The following F2 variants were observed in gnomAD, a reference collection of about 807,000 sequenced individuals.
F2 encodes prothrombin.
A neutral mutation model predicts 81.9 loss-of-function variants in F2; 34 were observed. The ratio of observed to expected loss-of-function variants is 0.42; its 90% CI spans 0.32 to 0.55. The LOEUF is 0.55. Ranked by LOEUF, F2 falls within the 20% of genes least tolerant of loss-of-function variation. The pLI, the probability that F2 is intolerant of heterozygous loss-of-function variation, is 0.18. For missense variants in F2, 630 were observed against 833.4 expected, an observed-to-expected ratio of 0.76 and a Z score of 3.00; for synonymous variants, 296 against 326.4, an observed-to-expected ratio of 0.91 and a Z score of 1.01.
intron 12 of F2, among the ~76,000 whole-genome samples, chr11:46,734,597 G>A (rs569779097): frequency 6.6e-6 from 1 of 152,152 alleles, no homozygotes; most frequent in African/African-American, 2.4e-5. Flanking sequence ...GATCACCTGA[G>A]GTCAGAAGTT....
At position 46,719,688 on chromosome 11, in the gene F2, C is replaced by T. The variant is rs376845267; in HGVS notation, c.80-14C>T. The T allele has an allele frequency of 6.3e-6, 10 of 1,581,154 alleles. No homozygotes were observed. The highest frequency in any genetic ancestry group is 8.6e-6 in the Non-Finnish European group (10 of 1,164,628). On this transcript the variant is annotated splice_polypyrimidine_tract_variant and intron_variant, in intron 1 of 13. Transcript: ENST00000311907. This position sits in a 1 kb window ranked among gnomAD's most constrained non-coding sequence, Gnocchi z 4.7. ...CTGAGGCCGCTGTCCCATGACCCCC[C>T]CACCGCCTTACAGTGTTCCTGGCTC...
Position 46,729,472 on chromosome 11 carries a change from T to C in F2, c.1565T>C (p.Val522Ala), listed in dbSNP as rs2064897041. 4 of 1,614,010 alleles carry C rather than the reference T, an allele frequency of 2.5e-6. 1 individual carries two copies. The South Asian group carries it at 4.4e-5, about 18-fold the overall frequency. ...TANVGKGQPS[V>A]LQVVNLPIVE... is the part of the protein sequence containing the mutation. ...AACGTTGGTAAGGGGCAGCCCAGTG[T>C]CCTGCAGGTGGTGAACCTGCCCATT... Residue 522 changes from valine to alanine, a missense_variant, in exon 12 of 14, where the codon GTC becomes GCC. Coordinates refer to ENST00000311907, the MANE Select transcript of F2 (RefSeq NM_000506.5).
intron 12 of F2, among the ~76,000 whole-genome samples, chr11:46,731,822 T>C (rs947411964): frequency 6.6e-6 from 1 of 152,110 alleles, no homozygotes; most frequent in African/African-American, 2.4e-5. Flanking sequence ...CTCTGACCTC[T>C]TGAGGAAGGC....
At chr11:46,736,616 T>C (rs3136497) in intron 12 of F2, among the ~76,000 whole-genome samples, 3,394 of 152,254 alleles carry the variant, frequency 0.022, 122 homozygotes, top group African/African-American at 0.077. Flanking sequence ...TAGATTTCTA[T>C]GGATAGAGTA....
At chr11:46,738,288 A>C (rs923820795) in intron 12 of F2, among the ~76,000 whole-genome samples, 55 of 152,114 alleles carry the variant, frequency 3.6e-4, no homozygotes, top group Admixed American at 3.0e-3. Context: ...TGTGAGCCAC[A>C]GCACCTAGTG....
intron 12 of F2, among the ~76,000 whole-genome samples, chr11:46,735,236 T>TA (rs2064936840): frequency 6.6e-6 from 1 of 151,588 alleles, no homozygotes. Flanking sequence ...GGTCAGGAGA[T>TA]AGAGACCATC....
chr11:46,719,964 C>T lies in F2; in HGVS notation c.240+102C>T. The stretch of plus-strand genomic sequence containing the variant: ...GAGGAACGCCACAGCCCCTTCGCTG[C>T]TCACAGCCTCATTTCAACTCTGAGC... On this transcript the variant is annotated intron_variant, in intron 2 of 13. Transcript: ENST00000311907. This position sits in a 1 kb window ranked among gnomAD's most constrained non-coding sequence, Gnocchi z 4.7. 1 of 1,440,194 alleles carries T rather than the reference C, an allele frequency of 6.9e-7. No individual in the cohort carries two copies. The highest frequency in any genetic ancestry group is 9.4e-7 in the Non-Finnish European group (1 of 1,062,132). The allele number at this position is 1,440,194 out of a possible 1,614,324, so 89.2% of individuals were successfully genotyped here. A position where few individuals can be genotyped will look rare whatever the true frequency, so the allele number is the denominator to read the frequency against.
rs1340422286 is a variant in F2, at chr11:46,723,566, C to T, written c.559+48C>T. On this transcript the variant is annotated intron_variant, in intron 6 of 13. Transcript: ENST00000311907. This position sits in a 1 kb window ranked among gnomAD's most constrained non-coding sequence, Gnocchi z 5.6. Reference sequence around the variant, plus strand: ...GCCCATGGCCAAGGCCCGGGGGCTTCATGGGGCCTGGCAGCCTGGGATGGG... The same window carrying T: ...GCCCATGGCCAAGGCCCGGGGGCTTTATGGGGCCTGGCAGCCTGGGATGGG... The T allele has an allele frequency of 7.0e-6, 11 of 1,571,430 alleles. No individual in the cohort carries two copies. The East Asian group carries it at 2.6e-4, about 37-fold the overall frequency.
chr11:46,726,601 G>C lies in F2; in HGVS notation c.978G>C (p.Pro326=), dbSNP rs142949009. The change falls in exon 8 of 14, where the codon CCG becomes CCC. Residue 326 remains proline, a synonymous_variant. Transcript: ENST00000311907. This position sits in a 1 kb window ranked among gnomAD's most constrained non-coding sequence, Gnocchi z 5.9. ...ATSEYQTFFN[P]RTFGSGEADC... is the part of the protein sequence containing the mutation. The stretch of plus-strand genomic sequence containing the variant: ...GTGAGTACCAGACTTTCTTCAATCC[G>C]AGGACCTTTGGCTCGGGAGAGGCAG... The C allele has an allele frequency of 6.2e-7, 1 of 1,614,164 alleles. No homozygotes were observed.
Position 46,719,351 on chromosome 11 carries a change from A to C in F2, c.79+37A>C. On this transcript the variant is annotated intron_variant, in intron 1 of 13. Coordinates refer to ENST00000311907, the MANE Select transcript of F2 (RefSeq NM_000506.5). The surrounding 1 kb of genome is among the most constrained non-coding windows in gnomAD (Gnocchi z 4.7). The stretch of plus-strand genomic sequence containing the variant: ...CTTGCAGGCTGGAACAGGCTGGAGG[A>C]CTGGGGTGTGGGCCCATGGGCTGGG... 1 of 1,597,456 alleles carries C rather than the reference A, an allele frequency of 6.3e-7. No homozygotes were observed. The highest frequency in any genetic ancestry group is 8.5e-7 in the Non-Finnish European group (1 of 1,171,970).
In F2 at chr11:46,728,089, C is replaced by T. The variant is rs868618740; in HGVS notation, c.1224C>T (p.Leu408=). Residue 408 remains leucine, a synonymous_variant, in exon 10 of 14, where the codon CTC becomes CTT. Coordinates refer to ENST00000311907, the MANE Select transcript of F2 (RefSeq NM_000506.5). The surrounding 1 kb of genome is among the most constrained non-coding windows in gnomAD (Gnocchi z 5.1). Reference sequence around the variant, plus strand: ...GGGTCCTCACCGCCGCCCACTGCCTCCTGTACCCGCCCTGGGACAAGAACT... The same window carrying T: ...GGGTCCTCACCGCCGCCCACTGCCTTCTGTACCCGCCCTGGGACAAGAACT... ...DRWVLTAAHC[L]LYPPWDKNFT... The T allele has an allele frequency of 6.2e-7, 1 of 1,611,062 alleles. No homozygotes were observed.
chr11:46,720,430 G>T, intron 2 of F2, 93 bp from the exon 3 acceptor site: 1 of 1,456,828 alleles, frequency 6.9e-7, no homozygotes, highest in Non-Finnish European at 9.6e-7. Context: ...GCGTGACCAG[G>T]GTAAAGGAAA....
At chr11:46,736,067 G>A (rs142220594) in intron 12 of F2, among the ~76,000 whole-genome samples, 250 of 152,088 alleles carry the variant, frequency 1.6e-3, no homozygotes, top group African/African-American at 5.8e-3. Flanking sequence ...GCCTGGCATG[G>A]TGGTGTGCGC....
At chr11:46,733,801 T>TC (rs1441491698) in intron 12 of F2, among the ~76,000 whole-genome samples, 2 of 141,508 alleles carry the variant, frequency 1.4e-5, no homozygotes, top group African/African-American at 5.2e-5. Flanking sequence ...TTTTTTTTTT[T>TC]TTTTTGAGAT....
intron 4 of F2, 104 bp downstream of exon 4, chr11:46,720,944 C>T (rs2064832249): frequency 8.2e-7 from 1 of 1,213,802 alleles, no homozygotes. Context: ...GAGGCAGTCC[C>T]CAGCATCTGA....
At chr11:46,727,065 C>T (rs1231032437) in intron 9 of F2, among the ~76,000 whole-genome samples, 2 of 152,226 alleles carry the variant, frequency 1.3e-5, no homozygotes, top group Non-Finnish European at 2.9e-5. Flanking sequence ...TGCAGTGCTG[C>T]AATCTCGGCT....
chr11:46,721,566 T>G (rs530158422), intron 4 of F2, among the ~76,000 whole-genome samples: 39 of 152,362 alleles, frequency 2.6e-4, no homozygotes, highest in Non-Finnish European at 5.0e-4. Context: ...GGAGCGACCA[T>G]CACATCTACT....
intron 12 of F2, 92 bp from the exon 13 acceptor site, chr11:46,738,956 G>T: frequency 7.9e-7 from 1 of 1,265,712 alleles, no homozygotes; most frequent in Non-Finnish European, 1.2e-6. Context: ...TGACTGGAGG[G>T]GTAAGTGGAC....
chr11:46,731,294 C>T (rs974199949), intron 12 of F2, among the ~76,000 whole-genome samples: 9 of 149,762 alleles, frequency 6.0e-5, no homozygotes, highest in Non-Finnish European at 1.3e-4. Flanking sequence ...GGCATGGTCT[C>T]GGCTTACTTG....
Sources: gnomAD v4.1 joint callset for allele counts (sites outside exome capture counted in the v4.1 genomes callset) on GRCh38, gnomAD v4.1.1 for gene constraint, Gnocchi (gnomAD v3.1) non-coding constraint, MANE v1.5 for transcripts, NCBI Gene and HGNC (gene_info 2026-07-23, HGNC 2026-07-21) for gene names.